Variants in PTBP2 observed in about 807,000 individuals in gnomAD.
PTBP2 encodes the protein polypyrimidine tract binding protein 2.
A neutral mutation model predicts 61.4 loss-of-function variants in PTBP2; 13 were observed. The ratio of observed to expected loss-of-function variants is 0.21; its 90% CI spans 0.14 to 0.34. The LOEUF (loss-of-function observed/expected upper bound fraction) is 0.34. Among genes scored for constraint, PTBP2 ranks in the 10% least tolerant of loss-of-function variants. The probability of loss-of-function intolerance (pLI) is 1.00; values close to 1 mark genes in which losing one functional copy is unlikely to be tolerated. For synonymous variants in PTBP2, 215 were observed against 218.5 expected, an observed-to-expected ratio of 0.98 and a Z score of 0.14; for missense variants, 405 against 642.6, an observed-to-expected ratio of 0.63 and a Z score of 4.00.
intron 5 of PTBP2, among the ~76,000 whole-genome samples, chr1:96,776,681 A>G (rs1388637049): frequency 6.6e-6 from 1 of 151,816 alleles, no homozygotes; most frequent in African/African-American, 2.4e-5. Flanking sequence ...TTTTTTGACC[A>G]CAGATAAGGT....
At chr1:96,772,303 T>G (rs1657472120) in intron 5 of PTBP2, among the ~76,000 whole-genome samples, 2 of 152,210 alleles carry the variant, frequency 1.3e-5, no homozygotes, top group Admixed American at 6.5e-5. Flanking sequence ...TAATCATGCC[T>G]TGATCTTTCA....
Position 96,814,702 on chromosome 1 carries a change from T to A in PTBP2, c.*1297T>A, listed in dbSNP as rs1238141435. The A allele has an allele frequency of 1.3e-5, 2 of 152,600 alleles. No homozygotes were observed. The highest frequency in any genetic ancestry group is 2.9e-5 in the Non-Finnish European group (2 of 67,982). The allele number at this position is 152,600 out of a possible 1,614,324, so 9.5% of individuals were successfully genotyped here. A position where few individuals can be genotyped will look rare whatever the true frequency, so the allele number is the denominator to read the frequency against. ...TCTATGTAGACAGAATGGTCATGTA[T>A]ATTTTCTATTAGTTGAGTTTTTACA... On this transcript the variant is annotated 3_prime_UTR_variant, in exon 14 of 14. Transcript: ENST00000674951.
chr1:96,749,236 C>G (rs1305206508), intron 2 of PTBP2, among the ~76,000 whole-genome samples: 1 of 152,118 alleles, frequency 6.6e-6, no homozygotes, highest in African/African-American at 2.4e-5. Flanking sequence ...GATTCCCCAC[C>G]TATCGTCTTC....
chr1:96,734,394 CAT>C (rs745871400), intron 2 of PTBP2, among the ~76,000 whole-genome samples: 87 of 151,822 alleles, frequency 5.7e-4, no homozygotes, highest in Non-Finnish European at 1.0e-3. Context: ...AAAGTTACCT[CAT>C]ATTATAAAAT....
At chr1:96,768,326 G>C (rs1656980353) in intron 3 of PTBP2, among the ~76,000 whole-genome samples, 1 of 152,020 alleles carries the variant, frequency 6.6e-6, no homozygotes, top group Non-Finnish European at 1.5e-5. Flanking sequence ...ATTAATGAGT[G>C]AATTAATTTT....
chr1:96,796,095 T>TAG (rs1660353128), intron 8 of PTBP2, among the ~76,000 whole-genome samples: 1 of 152,122 alleles, frequency 6.6e-6, no homozygotes, highest in Admixed American at 6.6e-5. Flanking sequence ...TATTTAAATA[T>TAG]AGAGATGCTT....
intron 12 of PTBP2, 24 bp from the exon 13 acceptor site, chr1:96,813,005 T>C (rs372596950): frequency 8.7e-6 from 14 of 1,602,544 alleles, no homozygotes; most frequent in Non-Finnish European, 8.5e-7. Flanking sequence ...ATCTTCACTT[T>C]TTCTTCCCAT....
intron 11 of PTBP2, 144 bp from the exon 12 acceptor site, chr1:96,812,568 G>T: frequency 1.5e-6 from 1 of 687,938 alleles, no homozygotes; most frequent in Non-Finnish European, 2.4e-6. Flanking sequence ...ATGTACTTAA[G>T]TCTTATCACC....
chr1:96,771,502 AT>A (rs765351915), intron 5 of PTBP2: 1 of 151,952 alleles, frequency 6.6e-6, no homozygotes, highest in Non-Finnish European at 1.5e-5. Context: ...TTCCTCATAG[AT>A]TTTTGTCACT....
At chr1:96,734,910 T>C (rs1001360393) in intron 2 of PTBP2, among the ~76,000 whole-genome samples, 2 of 149,278 alleles carry the variant, frequency 1.3e-5, no homozygotes, top group African/African-American at 2.5e-5. Context: ...TTTCTTTTTT[T>C]TTTTTTTTTT....
intron 8 of PTBP2, 132 bp downstream of exon 8, chr1:96,785,386 G>T (rs1359091846): frequency 1.6e-6 from 1 of 632,100 alleles, no homozygotes; most frequent in Non-Finnish European, 2.5e-6. Context: ...TTTTTCTCAA[G>T]TGAGAAGGCA....
chr1:96,757,672 C>A (rs1655313848), intron 3 of PTBP2, among the ~76,000 whole-genome samples: 1 of 151,996 alleles, frequency 6.6e-6, no homozygotes, highest in Admixed American at 6.6e-5. Flanking sequence ...CAATGATAGA[C>A]CTTATATTGG....
intron 3 of PTBP2, among the ~76,000 whole-genome samples, chr1:96,762,950 G>C (rs1224173925): frequency 6.6e-6 from 1 of 150,926 alleles, no homozygotes; most frequent in East Asian, 2.0e-4. Flanking sequence ...GGGGCGGCGG[G>C]GCAGCGGCGC....
intron 1 of PTBP2, 92 bp downstream of exon 1, chr1:96,721,964 G>A: frequency 6.6e-7 from 1 of 1,516,774 alleles, no homozygotes; most frequent in Non-Finnish European, 9.0e-7. Flanking sequence ...CCCTCCCGCG[G>A]CCCCTCCCAG....
At chr1:96,810,785 ATAGT>A (rs1662006490) in intron 11 of PTBP2, among the ~76,000 whole-genome samples, 1 of 152,236 alleles carries the variant, frequency 6.6e-6, no homozygotes, top group Admixed American at 6.5e-5. Context: ...TTCACTTAAA[ATAGT>A]TATAGAACTT....
intron 11 of PTBP2, among the ~76,000 whole-genome samples, chr1:96,808,858 A>G (rs1282539705): frequency 6.6e-6 from 1 of 152,092 alleles, no homozygotes; most frequent in Non-Finnish European, 1.5e-5. Flanking sequence ...TCTATGGTGT[A>G]CTATTTAGTA....
At chr1:96,738,336 C>T (rs7547533) in intron 2 of PTBP2, among the ~76,000 whole-genome samples, 2,861 of 152,138 alleles carry the variant, frequency 0.019, 80 homozygotes, top group African/African-American at 0.059. Flanking sequence ...CTCTGTTGCC[C>T]AGGCTGGAGT....
At chr1:96,768,850 A>G (rs145795107) in intron 3 of PTBP2, among the ~76,000 whole-genome samples, 3 of 152,136 alleles carry the variant, frequency 2.0e-5, no homozygotes, top group East Asian at 1.9e-4. Context: ...CTCATTGTAG[A>G]TAAGCCATAA....
intron 3 of PTBP2, among the ~76,000 whole-genome samples, chr1:96,753,953 T>A (rs950451158): frequency 1.3e-5 from 2 of 151,928 alleles, no homozygotes; most frequent in East Asian, 1.9e-4. Context: ...AATTTCAGAG[T>A]GAGAATGTGG....
Sources: allele counts gnomAD v4.1 joint callset (sites outside exome capture counted in the v4.1 genomes callset), GRCh38; gene constraint gnomAD v4.1.1; transcripts MANE v1.5; gene names NCBI Gene and HGNC (gene_info 2026-07-23, HGNC 2026-07-21).